Variants in KIAA1671 observed in about 807,000 individuals in gnomAD.
The protein encoded by KIAA1671 is KIAA1671.
KIAA1671 carries 52 observed loss-of-function variants against 131.2 expected under a neutral mutation model. That is an observed-to-expected ratio of 0.40 (90% CI 0.32 to 0.50). The LOEUF is 0.50. KIAA1671 is among the 20% of genes least tolerant of loss of function. The pLI, the probability that KIAA1671 is intolerant of heterozygous loss-of-function variation, is 0.73. For synonymous variants in KIAA1671, 1,003 were observed against 961.6 expected (o/e 1.04, Z -0.80); for missense variants, 2,360 against 2,364.2 (o/e 1.00, Z 0.04).
intron 6 of KIAA1671, among the ~76,000 whole-genome samples, chr22:25,107,607 G>A (rs62233189): frequency 0.074 from 11,078 of 150,624 alleles, 504 homozygotes; most frequent in Middle Eastern, 0.1. Context: ...CCAGAGTACT[G>A]GGACTACAGG....
chr22:25,158,516 C>G (rs1490771661), intron 6 of KIAA1671, among the ~76,000 whole-genome samples: 1 of 152,166 alleles, frequency 6.6e-6, no homozygotes, highest in Non-Finnish European at 1.5e-5. Context: ...TGGGGCCAGC[C>G]AGGAGAGGCT....
intron 6 of KIAA1671, among the ~76,000 whole-genome samples, chr22:25,154,882 A>C (rs1356666944): frequency 6.6e-6 from 1 of 152,212 alleles, no homozygotes; most frequent in Non-Finnish European, 1.5e-5. Context: ...GTCCAGGCAC[A>C]CAAAATAGTA....
Position 25,040,537 on chromosome 22 carries a change from C to T in KIAA1671, c.3407C>T (p.Ser1136Leu), listed in dbSNP as rs1382691527. 7 of 1,551,814 alleles carry T rather than the reference C, an allele frequency of 4.5e-6. No individual in the cohort carries two copies. Among genetic ancestry groups the T allele is most frequent in the Non-Finnish European group, 6.1e-6 (7 of 1,147,036 alleles). Residue 1136 changes from serine to leucine, a missense_variant, in exon 5 of 13, where the codon TCA becomes TTA. Ser to Leu is a moderately radical substitution (Grantham distance 145). Coordinates refer to ENST00000358431, the MANE Select transcript of KIAA1671 (RefSeq NM_001145206.2). ...GATGCCTTATGGAGTCATCGGGGATCAGAAGATGGCCCTCGTCCTCAAAGC... is the reference window on the plus strand; with the variant it reads ...GATGCCTTATGGAGTCATCGGGGATTAGAAGATGGCCCTCGTCCTCAAAGC... ...DVDALWSHRGSEDGPRPQSNW... is the reference protein window; with the variant it reads ...DVDALWSHRGLEDGPRPQSNW...
chr22:25,109,307 A>C (rs1931209021), intron 6 of KIAA1671, among the ~76,000 whole-genome samples: 1 of 151,926 alleles, frequency 6.6e-6, no homozygotes, highest in African/African-American at 2.4e-5. Context: ...ACGGGGTTTC[A>C]CCATGTTGGC....
At chr22:25,147,766 G>C (rs1375779584) in intron 6 of KIAA1671, among the ~76,000 whole-genome samples, 1 of 152,132 alleles carries the variant, frequency 6.6e-6, no homozygotes, top group Non-Finnish European at 1.5e-5. Flanking sequence ...GCTCTGTTCT[G>C]TGAAAGAGGG....
At chr22:25,177,066 T>C in intron 8 of KIAA1671, 1 of 389,318 alleles carries the variant, frequency 2.6e-6, no homozygotes, top group South Asian at 6.3e-5. Context: ...AAAAGGCATT[T>C]GTATTATGTG....
In KIAA1671 at chr22:25,040,410, C is replaced by G; in HGVS notation, c.3280C>G (p.His1094Asp). Residue 1094 changes from histidine to aspartate, a missense_variant, in exon 5 of 13, where the codon CAT (histidine) becomes GAT (aspartate). His to Asp is a moderately conservative substitution (Grantham distance 81). This residue lies in a region of KIAA1671 where 1,161 missense variants were observed against 1,204.7 expected (regional missense o/e 0.96). Coordinates refer to ENST00000358431, the MANE Select transcript of KIAA1671 (RefSeq NM_001145206.2). ...TAAAAACTGGATGAAGGGACGAGAGCATGAAAATGCAAGCATTTTAAAAAC... is the reference window on the plus strand; with the variant it reads ...TAAAAACTGGATGAAGGGACGAGAGGATGAAAATGCAAGCATTTTAAAAAC... ...GSKNWMKGRE[H>D]ENASILKTLK... is the part of the protein sequence containing the mutation. 6.4e-7 allele frequency: 1 copy of G among 1,551,946 alleles called. No individual in the cohort carries two copies. Among genetic ancestry groups the G allele is most frequent in the Non-Finnish European group, 8.7e-7 (1 of 1,147,050 alleles).
At chr22:25,055,934 A>G (rs1396523020) in intron 6 of KIAA1671, 1 of 149,440 alleles carries the variant, frequency 6.7e-6, no homozygotes, top group Non-Finnish European at 1.5e-5. Flanking sequence ...ATCTCGGCTC[A>G]CTGCAACACC....
chr22:25,166,522 T>C (rs1342419310), intron 6 of KIAA1671, among the ~76,000 whole-genome samples: 2 of 152,050 alleles, frequency 1.3e-5, no homozygotes, highest in Non-Finnish European at 2.9e-5. Context: ...GCAAATTCCT[T>C]CTTCCATCAC....
chr22:25,032,602 G>A lies in KIAA1671; in HGVS notation c.1542-7G>A. 6.5e-7 allele frequency: 1 copy of A among 1,536,956 alleles called. No individual in the cohort carries two copies. Among genetic ancestry groups the A allele is most frequent in the Non-Finnish European group, 8.8e-7 (1 of 1,134,516 alleles). On this transcript the variant is annotated splice_polypyrimidine_tract_variant and splice_region_variant and intron_variant, in intron 3 of 12. Coordinates refer to ENST00000358431, the MANE Select transcript of KIAA1671 (RefSeq NM_001145206.2). ...CTCCATGAAGGTAACTCAGATCTCT[G>A]TACCAGGTTTTCAAGTTCAGCTTCC...
chr22:25,163,931 A>C (rs1253577351), intron 6 of KIAA1671, among the ~76,000 whole-genome samples: 7 of 152,196 alleles, frequency 4.6e-5, no homozygotes, highest in Non-Finnish European at 7.3e-5. Context: ...TACTGAATTA[A>C]GGCTATGCAG....
intron 6 of KIAA1671, chr22:25,069,952 AACAC>A (rs145647512): frequency 1.2e-5 from 2 of 165,362 alleles, no homozygotes; most frequent in Non-Finnish European, 1.3e-5. Flanking sequence ...TTCATGCATA[AACAC>A]ACACACACAC....
intron 11 of KIAA1671, chr22:25,186,009 A>C (rs1934464045): frequency 6.6e-6 from 1 of 152,240 alleles, no homozygotes; most frequent in African/African-American, 2.4e-5. Flanking sequence ...TCAGAGCAAG[A>C]GTGGGTAAGC....
intron 6 of KIAA1671, chr22:25,062,988 A>C (rs911765880): frequency 6.6e-6 from 1 of 151,966 alleles, no homozygotes; most frequent in Non-Finnish European, 1.5e-5. Context: ...GGCTGGCCCC[A>C]GTTTGGGCTC....
In KIAA1671 at chr22:25,185,036, C is replaced by G. The variant is rs1297419426; in HGVS notation, c.5259C>G (p.Pro1753=). ...CTGGCGAGACCCCCAGCTGGGCACCCCAACCCAAGAGCCCCAAGTCCCCCT... is the reference window on the plus strand; with the variant it reads ...CTGGCGAGACCCCCAGCTGGGCACCGCAACCCAAGAGCCCCAAGTCCCCCT... ...DSPGETPSWA[P]QPKSPKSPFQ... Residue 1753 remains proline (P), a synonymous_variant, in exon 11 of 13, where the codon CCC becomes CCG. Transcript: ENST00000358431. 1 of 1,551,614 alleles carries G rather than the reference C, an allele frequency of 6.4e-7. No homozygotes were observed. The highest frequency in any genetic ancestry group is 8.7e-7 in the Non-Finnish European group (1 of 1,146,978).
chr22:25,152,972 G>A (rs187399186), intron 6 of KIAA1671, among the ~76,000 whole-genome samples: 73 of 152,174 alleles, frequency 4.8e-4, no homozygotes, highest in African/African-American at 1.7e-3. Flanking sequence ...TATGTGTCAT[G>A]AAATATTAAC....
intron 6 of KIAA1671, among the ~76,000 whole-genome samples, chr22:25,100,181 C>G (rs961991864): frequency 2.0e-5 from 3 of 152,206 alleles, no homozygotes; most frequent in Non-Finnish European, 2.9e-5. Context: ...GGCTCTTCCT[C>G]TCCATTCAGC....
intron 3 of KIAA1671, among the ~76,000 whole-genome samples, chr22:25,031,729 G>A (rs938417168): frequency 2.6e-5 from 4 of 152,284 alleles, no homozygotes; most frequent in South Asian, 2.1e-4. Flanking sequence ...CCTATGCCAC[G>A]GTCCTAATAT....
At chr22:25,120,156 A>G (rs1420268148) in intron 6 of KIAA1671, among the ~76,000 whole-genome samples, 1 of 152,122 alleles carries the variant, frequency 6.6e-6, no homozygotes, top group African/African-American at 2.4e-5. Flanking sequence ...CCCATCTCCC[A>G]CTGCCTGTGC....
Sources: allele counts gnomAD v4.1 joint callset (sites outside exome capture counted in the v4.1 genomes callset), GRCh38; gene constraint gnomAD v4.1.1; regional missense constraint gnomAD v4.1.1; transcripts MANE v1.5; gene names NCBI Gene and HGNC (gene_info 2026-07-23, HGNC 2026-07-21).